Variants in SARS1 observed in about 807,000 individuals in gnomAD.
SARS1 encodes the protein serine--tRNA ligase, cytoplasmic.
SARS1 carries 25 observed loss-of-function variants against 63.7 expected under a neutral mutation model. That is an observed-to-expected ratio of 0.39 (90% confidence interval 0.29 to 0.55). The LOEUF (loss-of-function observed/expected upper bound fraction) is 0.55, where lower values mean the gene tolerates loss of function less well. SARS1 is among the 20% of genes least tolerant of loss of function. The pLI is 0.62. For synonymous variants in SARS1, 231 were observed against 243.5 expected (o/e 0.95, Z 0.48); for missense variants, 417 against 649.7 (o/e 0.64, Z 3.89).
At chr1:109,217,862 G>T (rs886382596) in intron 1 of SARS1, among the ~76,000 whole-genome samples, 2 of 151,956 alleles carry the variant, frequency 1.3e-5, no homozygotes, top group South Asian at 2.1e-4. Context: ...GCCCAGCCCC[G>T]AAATTATATT....
chr1:109,218,193 CAAAAAAAAAA>C (rs35069915), intron 1 of SARS1, among the ~76,000 whole-genome samples: 1 of 39,766 alleles, frequency 2.5e-5, no homozygotes, highest in Non-Finnish European at 4.7e-5. Flanking sequence ...ACTCTGTCTC[CAAAAAAAAAA>C]AAAAAAAAAA....
At chr1:109,234,874 G>A (rs1052974095) in intron 6 of SARS1, among the ~76,000 whole-genome samples, 1 of 152,226 alleles carries the variant, frequency 6.6e-6, no homozygotes, top group Non-Finnish European at 1.5e-5. Context: ...GCTGAGGTGG[G>A]AGAGTCGCTT....
rs1655350506 is a variant in SARS1, at chr1:109,237,981, C to T, written c.*93C>T. ...GCAGGGAAGCCAAGCACCCATTCAT[C>T]CCCCTGCCCCCATCTGACTGCGTAG... is the stretch of plus-strand genomic sequence containing the variant. On this transcript the variant is annotated 3_prime_UTR_variant, in exon 11 of 11. Transcript: ENST00000234677. This position sits in a 1 kb window ranked among gnomAD's most constrained non-coding sequence, Gnocchi z 4.1. 1 of 1,395,284 alleles carries T rather than the reference C, an allele frequency of 7.2e-7. No individual in the cohort carries two copies. The highest frequency in any genetic ancestry group is 1.3e-5 in the South Asian group (1 of 76,502). 86.4% of individuals were successfully genotyped at this position (1,395,284 alleles called of 1,614,324 possible).
Position 109,237,785 on chromosome 1 carries a change from CAAA to C in SARS1, c.1443_1445del (p.Lys483del). The C allele has an allele frequency of 6.2e-7, 1 of 1,614,144 alleles. No homozygotes were observed. The highest frequency in any genetic ancestry group is 1.6e-4 in the Middle Eastern group (1 of 6,062). On this transcript the variant is annotated inframe_deletion, in exon 11 of 11. Transcript: ENST00000234677. This position sits in a 1 kb window ranked among gnomAD's most constrained non-coding sequence, Gnocchi z 4.1. ...CCTGCGCCCATTGAGCAGGAGCCAT[CAAA>C]GAAGCAGAAGAAGCAACATGAGGGC...
At chr1:109,220,192 C>G (rs997503175) in intron 1 of SARS1, among the ~76,000 whole-genome samples, 3 of 152,176 alleles carry the variant, frequency 2.0e-5, no homozygotes, top group Non-Finnish European at 4.4e-5. Context: ...TTATGTGTGT[C>G]TTTTGGTAGA....
At chr1:109,215,191 A>T in intron 1 of SARS1, 1 of 985,400 alleles carries the variant, frequency 1.0e-6, no homozygotes, top group Non-Finnish European at 1.2e-6. Flanking sequence ...CCTCTATTGT[A>T]GTAGTTTGTT....
At chr1:109,221,970 GTATATA>G (rs773937466) in intron 1 of SARS1, among the ~76,000 whole-genome samples, 635 of 27,956 alleles carry the variant, frequency 0.023, 21 homozygotes, top group South Asian at 0.044. Context: ...TTGTGTGTGT[GTATATA>G]TATATATATA....
In SARS1 at chr1:109,237,814, A is replaced by G. The variant is rs753870776; in HGVS notation, c.1471A>G (p.Ser491Gly). Residue 491 changes from serine to glycine, a missense_variant, in exon 11 of 11, where the codon AGC (serine) becomes GGC (glycine). By Grantham distance (56) the Ser-to-Gly change is moderately conservative. Coordinates refer to ENST00000234677, the MANE Select transcript of SARS1 (RefSeq NM_006513.4). The surrounding 1 kb of genome is among the most constrained non-coding windows in gnomAD (Gnocchi z 4.1). ...SKKQKKQHEG[S>G]KKKAAARDVT... ...GAAGCAGAAGAAGCAACATGAGGGCAGCAAAAAGAAAGCAGCAGCAAGAGA... is the reference window on the plus strand; with the variant it reads ...GAAGCAGAAGAAGCAACATGAGGGCGGCAAAAAGAAAGCAGCAGCAAGAGA... 5.6e-6 allele frequency: 9 copies of G among 1,614,252 alleles called. No individual in the cohort carries two copies. Among genetic ancestry groups the G allele is most frequent in the South Asian group, 5.5e-5 (5 of 91,080 alleles).
At chr1:109,230,737 T>C in intron 4 of SARS1, 141 bp from the exon 5 acceptor site, 1 of 587,806 alleles carries the variant, frequency 1.7e-6, no homozygotes, top group South Asian at 3.2e-5. Context: ...CCTGGAAGGT[T>C]GAGGCTGCAG....
chr1:109,226,701 C>CATATATATATATATATATATATAT (rs61204287), intron 2 of SARS1, among the ~76,000 whole-genome samples: 1 of 69,786 alleles, frequency 1.4e-5, no homozygotes, highest in Non-Finnish European at 2.5e-5. Flanking sequence ...TATATATACA[C>CATATATATATATATATATATATAT]ACACACACAC....
chr1:109,216,198 T>G, intron 1 of SARS1: 1 of 985,412 alleles, frequency 1.0e-6, no homozygotes, highest in Non-Finnish European at 1.2e-6. Flanking sequence ...TCTTCTCTCA[T>G]TGCCTTGAGC....
At chr1:109,229,337 T>G in intron 3 of SARS1, 77 bp from the exon 4 acceptor site, 2 of 1,481,664 alleles carry the variant, frequency 1.3e-6, no homozygotes, top group Non-Finnish European at 1.8e-6. Context: ...CACAACAGGG[T>G]TAGGGCAACC....
At position 109,237,098 on chromosome 1, in the gene SARS1, GA is replaced by G. The variant is rs1557720470; in HGVS notation, c.1258-140del. On this transcript the variant is annotated intron_variant, in intron 9 of 10. Transcript: ENST00000234677. The surrounding 1 kb of genome is among the most constrained non-coding windows in gnomAD (Gnocchi z 4.1). ...ATAAATACCAAATAATTCAAATTTA[GA>G]AAAAAGTTGCTAAGGGGTAGAACCC... 1.5e-6 allele frequency: 2 copies of G among 1,332,092 alleles called. No individual in the cohort carries two copies. The highest frequency in any genetic ancestry group is 3.0e-5 in the African/African-American group (2 of 67,598). The allele number at this position is 1,332,092 out of a possible 1,614,324, so 82.5% of individuals were successfully genotyped here. A position where few individuals can be genotyped will look rare whatever the true frequency, so the allele number is the denominator to read the frequency against.
Position 109,227,899 on chromosome 1 carries a change from G to A in SARS1, c.208-453G>A, listed in dbSNP as rs545861597. ...ACGCAAACTGTACTCTAGCCTGGGC[G>A]ACAGAGTGAGACTCCGTCAAAAAAA... is the stretch of plus-strand genomic sequence containing the variant. On this transcript the variant is annotated intron_variant, in intron 2 of 10. Transcript: ENST00000234677. Among the ~76,000 whole-genome samples, 3 of 137,164 alleles carry A rather than the reference G, an allele frequency of 2.2e-5. No individual in the cohort carries two copies. The East Asian group carries it at 6.6e-4, about 30-fold the overall frequency. The allele number at this position is 137,164 out of a possible 152,430, so 90.0% of individuals were successfully genotyped here. A position where few individuals can be genotyped will look rare whatever the true frequency, so the allele number is the denominator to read the frequency against.
At chr1:109,218,193 CAAAAAAAAAAAA>C (rs35069915) in intron 1 of SARS1, among the ~76,000 whole-genome samples, 1 of 39,766 alleles carries the variant, frequency 2.5e-5, no homozygotes, top group South Asian at 9.7e-4. Context: ...ACTCTGTCTC[CAAAAAAAAAAAA>C]AAAAAAAAAA....
chr1:109,222,721 T>G (rs1654976908), intron 1 of SARS1, among the ~76,000 whole-genome samples: 1 of 152,184 alleles, frequency 6.6e-6, no homozygotes, highest in Non-Finnish European at 1.5e-5. Context: ...CTTAAAAGCT[T>G]GAGTTTGGCT....
At chr1:109,218,058 T>TG (rs556281859) in intron 1 of SARS1, among the ~76,000 whole-genome samples, 161 of 151,082 alleles carry the variant, frequency 1.1e-3, no homozygotes, top group Non-Finnish European at 1.8e-3. Flanking sequence ...CCGGGCATGG[T>TG]GGGGGGCGCC....
intron 1 of SARS1, chr1:109,216,720 C>T (rs905730706): frequency 1.8e-6 from 1 of 553,630 alleles, no homozygotes; most frequent in Admixed American, 6.4e-5. Flanking sequence ...TCCCCAGGCT[C>T]AGATGATCCT....
At chr1:109,223,081 A>G (rs1423591970) in intron 1 of SARS1, among the ~76,000 whole-genome samples, 1 of 152,202 alleles carries the variant, frequency 6.6e-6, no homozygotes, top group Non-Finnish European at 1.5e-5. Context: ...AAGAGGTCCA[A>G]ATTTTGCTAA....
Sources: allele counts gnomAD v4.1 joint callset (sites outside exome capture counted in the v4.1 genomes callset), GRCh38; gene constraint gnomAD v4.1.1; non-coding constraint Gnocchi (gnomAD v3.1); transcripts MANE v1.5; gene names NCBI Gene and HGNC (gene_info 2026-07-23, HGNC 2026-07-21).